BMPR1A: variants seen among roughly 807,000 people sequenced by gnomAD.
The protein encoded by BMPR1A is bone morphogenetic protein receptor type 1A.
In BMPR1A, 7 loss-of-function variants were observed where a neutral mutation model predicts 66.0. That is an observed-to-expected ratio of 0.11 (90% CI 0.06 to 0.20). BMPR1A has a LOEUF of 0.20. Among genes scored for constraint, BMPR1A ranks in the 10% least tolerant of loss-of-function variants. The probability of loss-of-function intolerance (pLI) is 1.00; values close to 1 mark genes in which losing one functional copy is unlikely to be tolerated. For missense variants in BMPR1A, 408 were observed against 669.1 expected (o/e 0.61, Z 4.31); for synonymous variants, 200 against 229.7 (o/e 0.87, Z 1.17).
At chr10:86,881,705 T>C (rs1842988260) in intron 3 of BMPR1A, among the ~76,000 whole-genome samples, 1 of 152,184 alleles carries the variant, frequency 6.6e-6, no homozygotes, top group Non-Finnish European at 1.5e-5. Flanking sequence ...CTGTGGTAAA[T>C]ACTATACTAG....
intron 7 of BMPR1A, among the ~76,000 whole-genome samples, chr10:86,900,490 C>T (rs1310008794): frequency 6.6e-6 from 1 of 151,328 alleles, no homozygotes; most frequent in Non-Finnish European, 1.5e-5. Flanking sequence ...TGCATGTAGC[C>T]ATGATTTCAG....
chr10:86,767,316 T>C (rs536850274), intron 1 of BMPR1A, among the ~76,000 whole-genome samples: 1 of 152,212 alleles, frequency 6.6e-6, no homozygotes, highest in Non-Finnish European at 1.5e-5. Context: ...CATGCATGCT[T>C]TGTACAAAGT....
At chr10:86,758,966 C>T (rs1840982676) in intron 1 of BMPR1A, among the ~76,000 whole-genome samples, 1 of 152,176 alleles carries the variant, frequency 6.6e-6, no homozygotes, top group Non-Finnish European at 1.5e-5. Context: ...CAGATCCTTC[C>T]CTCATGGAGC....
At chr10:86,879,126 A>T (rs2133338468) in intron 3 of BMPR1A, among the ~76,000 whole-genome samples, 1 of 152,278 alleles carries the variant, frequency 6.6e-6, no homozygotes, top group East Asian at 1.9e-4. Flanking sequence ...ATCAAGACCC[A>T]AGTTCTTTGT....
chr10:86,761,304 A>G (rs1040606496), intron 1 of BMPR1A, among the ~76,000 whole-genome samples: 6 of 152,184 alleles, frequency 3.9e-5, no homozygotes, highest in Non-Finnish European at 8.8e-5. Context: ...ATAGTTTTAT[A>G]TTTCTGATGA....
At chr10:86,773,358 G>A (rs1841294926) in intron 1 of BMPR1A, among the ~76,000 whole-genome samples, 1 of 152,014 alleles carries the variant, frequency 6.6e-6, no homozygotes, top group South Asian at 2.1e-4. Context: ...GGAGGCTGAG[G>A]CGGGTGGATC....
intron 7 of BMPR1A, among the ~76,000 whole-genome samples, chr10:86,910,773 C>T (rs1417279378): frequency 1.3e-5 from 2 of 152,082 alleles, no homozygotes; most frequent in African/African-American, 2.4e-5. Context: ...ATATATTATA[C>T]ATTCTGAATG....
chr10:86,783,327 G>A (rs1042770170), intron 1 of BMPR1A, among the ~76,000 whole-genome samples: 1 of 152,112 alleles, frequency 6.6e-6, no homozygotes, highest in Non-Finnish European at 1.5e-5. Flanking sequence ...TTGGCTATTT[G>A]GGGTCCTTTG....
chr10:86,916,168 A>C (rs1397132844), intron 8 of BMPR1A, among the ~76,000 whole-genome samples: 1 of 152,238 alleles, frequency 6.6e-6, no homozygotes, highest in Non-Finnish European at 1.5e-5. Context: ...GAGATAAGTC[A>C]AACGAGGTTT....
At chr10:86,836,288 A>AACCTT (rs1248196903) in intron 1 of BMPR1A, among the ~76,000 whole-genome samples, 1 of 135,082 alleles carries the variant, frequency 7.4e-6, no homozygotes, top group East Asian at 2.4e-4. Context: ...CTATAGCACT[A>AACCTT]TATTGCAAAG....
At chr10:86,864,701 T>C (rs1426771986) in intron 2 of BMPR1A, among the ~76,000 whole-genome samples, 2 of 152,244 alleles carry the variant, frequency 1.3e-5, no homozygotes, top group African/African-American at 2.4e-5. Context: ...CACTCTCTAA[T>C]TGGATGTCCT....
intron 1 of BMPR1A, among the ~76,000 whole-genome samples, chr10:86,773,874 C>T (rs1841305072): frequency 1.4e-5 from 2 of 141,976 alleles, no homozygotes; most frequent in African/African-American, 5.1e-5. Flanking sequence ...TTTTTTGAGA[C>T]AGAGTCTTAC....
rs892875865 is a variant in BMPR1A at position 86,918,705 on chromosome 10, C to T, written c.869-467C>T. On this transcript the variant is annotated intron_variant, in intron 9 of 12. Coordinates refer to ENST00000372037, the MANE Select transcript of BMPR1A (RefSeq NM_004329.3). ...GTGGCGCCATCTTGGCTCACTGCAACCTCTGCCGCCAGGTTCAAGTGATTC... is the reference window on the plus strand; with the variant it reads ...GTGGCGCCATCTTGGCTCACTGCAATCTCTGCCGCCAGGTTCAAGTGATTC... Among the ~76,000 whole-genome samples the T allele has an allele frequency of 2.0e-5, 3 of 151,390 alleles. No homozygotes were observed. The East Asian group carries it at 5.8e-4, about 29-fold the overall frequency.
intron 1 of BMPR1A, among the ~76,000 whole-genome samples, chr10:86,771,659 T>C (rs1351433215): frequency 3.3e-5 from 5 of 152,250 alleles, no homozygotes; most frequent in African/African-American, 9.6e-5. Context: ...GGATGTGTAC[T>C]AGGCACAGAG....
chr10:86,894,440 C>G (rs997687416), intron 5 of BMPR1A, among the ~76,000 whole-genome samples: 3 of 152,166 alleles, frequency 2.0e-5, no homozygotes, highest in African/African-American at 7.2e-5. Flanking sequence ...TTTCGTTGTT[C>G]CAGTTTTAGG....
In BMPR1A at chr10:86,890,162, G is replaced by C. The variant is rs1589763414; in HGVS notation, c.168G>C (p.Leu56Phe). ...NGVTLAPEDT[L>F]PFLKCYCSGH... is the part of the protein sequence containing the mutation. ...TAACCTTAGCACCAGAGGATACCTT[G>C]CCTTTTTTAAAGTGCTATTGCTCAG... Residue 56 changes from leucine to phenylalanine, a missense_variant, in exon 4 of 13, where the codon TTG becomes TTC. By Grantham distance (22) the Leu-to-Phe change is conservative. Coordinates refer to ENST00000372037, the MANE Select transcript of BMPR1A (RefSeq NM_004329.3). 1 of 1,614,004 alleles carries C rather than the reference G, an allele frequency of 6.2e-7. No individual in the cohort carries two copies. The highest frequency in any genetic ancestry group is 1.3e-5 in the African/African-American group (1 of 74,928).
chr10:86,854,967 C>A, intron 2 of BMPR1A: 1 of 175,568 alleles, frequency 5.7e-6, no homozygotes, highest in Non-Finnish European at 1.2e-5. Context: ...GACAGAGTCT[C>A]CCTCTGTTGC....
intron 7 of BMPR1A, among the ~76,000 whole-genome samples, chr10:86,903,202 C>T (rs576368601): frequency 4.9e-4 from 75 of 152,102 alleles, no homozygotes; most frequent in African/African-American, 1.7e-3. Flanking sequence ...TAAATATGGT[C>T]CATAATGAGG....
intron 1 of BMPR1A, among the ~76,000 whole-genome samples, chr10:86,781,210 G>A (rs370026146): frequency 2.0e-5 from 3 of 152,108 alleles, no homozygotes; most frequent in African/African-American, 7.2e-5. Flanking sequence ...TTTTTGTATA[G>A]GGTGAGTGTT....
Sources: allele counts gnomAD v4.1 joint callset (sites outside exome capture counted in the v4.1 genomes callset), GRCh38; gene constraint gnomAD v4.1.1; transcripts MANE v1.5; gene names NCBI Gene and HGNC (gene_info 2026-07-23, HGNC 2026-07-21).